CAMK1D: variants seen among roughly 807,000 people sequenced by gnomAD.
The protein encoded by CAMK1D is calcium/calmodulin dependent protein kinase ID.
Under a neutral mutation model 47.7 loss-of-function variants are expected in CAMK1D, and 9 were observed. The observed-to-expected ratio is 0.19, with a 90% CI of 0.11 to 0.33. CAMK1D has a LOEUF of 0.33. Among genes scored for constraint, CAMK1D ranks in the 10% least tolerant of loss-of-function variants. CAMK1D has a pLI of 1.00. For missense variants in CAMK1D, 291 were observed against 488.7 expected (o/e 0.60, Z 3.81); for synonymous variants, 184 against 184.9 (o/e 0.99, Z 0.04).
At chr10:12,385,276 G>C (rs1838458014) in intron 1 of CAMK1D, among the ~76,000 whole-genome samples, 1 of 152,110 alleles carries the variant, frequency 6.6e-6, no homozygotes, top group African/African-American at 2.4e-5. Context: ...GAAAATATGT[G>C]CCCATATGAA....
chr10:12,461,517 C>T (rs8181296), intron 1 of CAMK1D, among the ~76,000 whole-genome samples: 33,273 of 151,538 alleles, frequency 0.22, 3,926 homozygotes, highest in East Asian at 0.51. Flanking sequence ...GGTGAAACCC[C>T]GTCCCTACTA....
chr10:12,409,219 G>GTGTAT (rs1839566266), intron 1 of CAMK1D, among the ~76,000 whole-genome samples: 1 of 151,864 alleles, frequency 6.6e-6, no homozygotes, highest in Non-Finnish European at 1.5e-5. Flanking sequence ...TTCTGTAATC[G>GTGTAT]TGTATTCAGC....
rs775352602 is a variant in CAMK1D at position 12,666,826 on chromosome 10, G to C, written c.299+16G>C. On this transcript the variant is annotated intron_variant, in intron 3 of 10. Coordinates refer to ENST00000619168, the MANE Select transcript of CAMK1D (RefSeq NM_153498.4). ...TCATGCAGCTGTAAGTACCTTGTTT[G>C]ATTGATGAGTTTTGAACCAACTTGC... The C allele has an allele frequency of 3.1e-6, 5 of 1,604,482 alleles. No individual in the cohort carries two copies. In the East Asian group the frequency reaches 1.1e-4, roughly 36 times the overall value.
intron 3 of CAMK1D, among the ~76,000 whole-genome samples, chr10:12,688,671 A>G (rs921630097): frequency 2.0e-5 from 3 of 151,940 alleles, no homozygotes; most frequent in Admixed American, 1.3e-4. Flanking sequence ...AATGAGTTAC[A>G]TTCTTTTATT....
intron 3 of CAMK1D, among the ~76,000 whole-genome samples, chr10:12,742,448 T>C (rs115869298): frequency 0.011 from 1,662 of 152,346 alleles, 31 homozygotes; most frequent in African/African-American, 0.038. Flanking sequence ...GCGTAATTTA[T>C]GTACCATAAA....
intron 1 of CAMK1D, among the ~76,000 whole-genome samples, chr10:12,442,664 T>C (rs958691744): frequency 2.6e-5 from 4 of 152,234 alleles, no homozygotes; most frequent in Non-Finnish European, 5.9e-5. Flanking sequence ...TTCTAGACTT[T>C]TCCTGAGTCC....
At chr10:12,720,025 T>C (rs2130781204) in intron 3 of CAMK1D, among the ~76,000 whole-genome samples, 1 of 152,222 alleles carries the variant, frequency 6.6e-6, no homozygotes, top group East Asian at 1.9e-4. Flanking sequence ...GAGGCATGAA[T>C]TTGCATCTAG....
chr10:12,761,159 C>G (rs1836491205), intron 4 of CAMK1D, 73 bp downstream of exon 4: 29 of 1,537,432 alleles, frequency 1.9e-5, no homozygotes, highest in South Asian at 1.3e-4. Flanking sequence ...AGGGCTGATG[C>G]CAGTGGGGGC....
At chr10:12,459,154 C>T (rs1046207062) in intron 1 of CAMK1D, among the ~76,000 whole-genome samples, 2 of 152,148 alleles carry the variant, frequency 1.3e-5, no homozygotes, top group East Asian at 1.9e-4. Context: ...GCTGGGATTA[C>T]AGGCGTGAGC....
At chr10:12,467,692 G>A (rs1221989347) in intron 1 of CAMK1D, among the ~76,000 whole-genome samples, 1 of 152,154 alleles carries the variant, frequency 6.6e-6, no homozygotes, top group Non-Finnish European at 1.5e-5. Flanking sequence ...ACTTCATAAT[G>A]CTTGGCATAG....
At chr10:12,699,084 T>C (rs544284806) in intron 3 of CAMK1D, among the ~76,000 whole-genome samples, 1 of 152,134 alleles carries the variant, frequency 6.6e-6, no homozygotes, top group East Asian at 1.9e-4. Context: ...AAATTGCCCT[T>C]GTGTGATGAG....
rs575374696 is a variant in CAMK1D at position 12,696,741 on chromosome 10, A to G, written c.299+29931A>G. ...CTTCTTCATTGTATTTGGAAGCCTC[A>G]GAATTTTCTACTCAATAGAACAAGT... On this transcript the variant is annotated intron_variant, in intron 3 of 10. Transcript: ENST00000619168. 4.6e-5 allele frequency among the ~76,000 whole-genome samples: 7 copies of G among 152,336 alleles called. No individual in the cohort carries two copies. In the South Asian group the frequency reaches 1.4e-3, roughly 32 times the overall value.
intron 3 of CAMK1D, among the ~76,000 whole-genome samples, chr10:12,691,421 A>ATTT (rs869207786): frequency 2.8e-3 from 12 of 4,280 alleles, no homozygotes; most frequent in African/African-American, 4.5e-3. Flanking sequence ...ATATATATAT[A>ATTT]TTTTTTTTTT....
In CAMK1D at chr10:12,832,860, C is replaced by G. The variant is rs892135606; in HGVS notation, c.*3973C>G. 1 of 152,570 alleles carries G rather than the reference C, an allele frequency of 6.6e-6. No individual in the cohort carries two copies. The highest frequency in any genetic ancestry group is 1.5e-5 in the Non-Finnish European group (1 of 68,350). The allele number at this position is 152,570 out of a possible 1,614,324, so 9.5% of individuals were successfully genotyped here. A position where few individuals can be genotyped will look rare whatever the true frequency, so the allele number is the denominator to read the frequency against. ...CAGTGGCTCACGCCTGTAATCCCAG[C>G]GCTTTGGGAGAGCGAGGCGGGCAGA... On this transcript the variant is annotated 3_prime_UTR_variant, in exon 11 of 11. Coordinates refer to ENST00000619168, the MANE Select transcript of CAMK1D (RefSeq NM_153498.4).
rs112673923 is a variant in CAMK1D, at chr10:12,728,721, C to T, written c.300-32227C>T. Among the ~76,000 whole-genome samples, 287 of 152,302 alleles carry T rather than the reference C, an allele frequency of 1.9e-3. 1 individual carries two copies. The highest frequency in any genetic ancestry group is 5.3e-3 in the African/African-American group (221 of 41,570). On this transcript the variant is annotated intron_variant, in intron 3 of 10. Transcript: ENST00000619168. ...TCAATTCCACTCACCACCCTCACCCCGTAGTTTTCATGCCACAGAGATGCA... is the reference window on the plus strand; with the variant it reads ...TCAATTCCACTCACCACCCTCACCCTGTAGTTTTCATGCCACAGAGATGCA...
chr10:12,624,071 T>C (rs1226277927), intron 2 of CAMK1D, among the ~76,000 whole-genome samples: 1 of 152,038 alleles, frequency 6.6e-6, no homozygotes, highest in Non-Finnish European at 1.5e-5. Flanking sequence ...AGATTGAGAC[T>C]CTGTCTCAAA....
intron 2 of CAMK1D, among the ~76,000 whole-genome samples, chr10:12,601,428 G>C (rs1238057516): frequency 6.6e-6 from 1 of 152,110 alleles, no homozygotes; most frequent in South Asian, 2.1e-4. Context: ...CCTCGTATAA[G>C]TCTGCCACAG....
Position 12,363,343 on chromosome 10 carries a change from C to T in CAMK1D, c.92+13433C>T, listed in dbSNP as rs991694335. Among the ~76,000 whole-genome samples the T allele has an allele frequency of 4.6e-5, 7 of 152,034 alleles. No homozygotes were observed. The South Asian group carries it at 8.3e-4, about 18-fold the overall frequency. On this transcript the variant is annotated intron_variant, in intron 1 of 10. Coordinates refer to ENST00000619168, the MANE Select transcript of CAMK1D (RefSeq NM_153498.4). ...AGTCTCGGCCCACTGCTACCTCCTC[C>T]TCCCAGGTTCCAGCAATTCTCCTGC...
intron 2 of CAMK1D, among the ~76,000 whole-genome samples, chr10:12,654,030 A>G (rs987706139): frequency 2.0e-5 from 3 of 152,186 alleles, no homozygotes; most frequent in Admixed American, 2.0e-4. Flanking sequence ...AAAAGAAACA[A>G]TACCTTTCCC....
Sources: allele counts gnomAD v4.1 joint callset (sites outside exome capture counted in the v4.1 genomes callset), GRCh38; gene constraint gnomAD v4.1.1; transcripts MANE v1.5; gene names NCBI Gene and HGNC (gene_info 2026-07-23, HGNC 2026-07-21).